LINGO2: variants seen among roughly 807,000 people sequenced by gnomAD.
LINGO2 encodes leucine-rich repeat and immunoglobulin-like domain-containing nogo receptor-interacting protein 2.
LINGO2 carries 14 observed loss-of-function variants against 30.6 expected under a neutral mutation model. That is an observed-to-expected ratio of 0.46 (90% CI 0.30 to 0.72). The LOEUF (loss-of-function observed/expected upper bound fraction) is 0.72. LINGO2 is among the 30% of genes least tolerant of loss of function. The pLI, the probability that LINGO2 is intolerant of heterozygous loss-of-function variation, is 0.07. For synonymous variants in LINGO2, 317 were observed against 288.5 expected (o/e 1.10, Z -1.00); for missense variants, 729 against 751.7 (o/e 0.97, Z 0.35).
At chr9:29,102,688 G>A in the LINGO2 span, among the ~76,000 whole-genome samples, 2 of 152,090 alleles carry the variant, frequency 1.3e-5, no homozygotes, top group South Asian at 2.1e-4. Context: ...AATAGTGACT[G>A]CAACATCACT....
chr9:28,712,187 G>A, the LINGO2 span, among the ~76,000 whole-genome samples: 2 of 152,148 alleles, frequency 1.3e-5, no homozygotes, highest in Non-Finnish European at 2.9e-5. Flanking sequence ...AAATGTACCC[G>A]GTAATTCAGT....
chr9:29,099,506 A>C, the LINGO2 span, among the ~76,000 whole-genome samples: 1 of 152,226 alleles, frequency 6.6e-6, no homozygotes, highest in Non-Finnish European at 1.5e-5. Context: ...TAATAACCAA[A>C]ATATATGAGG....
chr9:28,574,451 G>A (rs1268290832), intron 1 of LINGO2, among the ~76,000 whole-genome samples: 2 of 152,102 alleles, frequency 1.3e-5, no homozygotes, highest in African/African-American at 4.8e-5. Context: ...AGTCTTGCAG[G>A]TTGAGATCTA....
In LINGO2 at chr9:28,033,894, C is replaced by T. The variant is rs182199800; in HGVS notation, c.-86-21489G>A. ...GTCAACAAGGATTTCCCATCCCCCA[C>T]ACCCAAGTCCAGCCCTTTCCAGTGG... is the stretch of plus-strand genomic sequence containing the variant. On this transcript the variant is annotated intron_variant, in intron 4 of 5. Transcript: ENST00000379992. 3.6e-3 allele frequency among the ~76,000 whole-genome samples: 546 copies of T among 152,334 alleles called. 4 individuals are homozygous for T. Among genetic ancestry groups the T allele is most frequent in the Non-Finnish European group, 3.2e-3 (219 of 68,026 alleles).
intron 1 of LINGO2, among the ~76,000 whole-genome samples, chr9:28,614,338 T>C (rs138439802): frequency 2.6e-4 from 39 of 152,270 alleles, no homozygotes; most frequent in African/African-American, 9.4e-4. Flanking sequence ...CAATAGGCTT[T>C]TCATTAGTGA....
chr9:28,529,893 C>A (rs2135425173), intron 1 of LINGO2, among the ~76,000 whole-genome samples: 1 of 152,088 alleles, frequency 6.6e-6, no homozygotes, highest in Non-Finnish European at 1.5e-5. Context: ...AATCCTACTT[C>A]TTTTATCTAA....
intron 3 of LINGO2, among the ~76,000 whole-genome samples, chr9:28,307,642 C>G (rs1824424621): frequency 6.6e-6 from 1 of 152,128 alleles, no homozygotes; most frequent in South Asian, 2.1e-4. Flanking sequence ...GTCAAATTGT[C>G]CCTGTTTGCA....
chr9:28,315,213 C>T (rs927283853), intron 3 of LINGO2, among the ~76,000 whole-genome samples: 1 of 150,946 alleles, frequency 6.6e-6, no homozygotes, highest in African/African-American at 2.4e-5. Context: ...GACGAGCCTG[C>T]CCAAAATGGT....
At chr9:28,457,062 A>G (rs574313044) in intron 2 of LINGO2, among the ~76,000 whole-genome samples, 1 of 152,328 alleles carries the variant, frequency 6.6e-6, no homozygotes, top group African/African-American at 2.4e-5. Context: ...CACTTAAATC[A>G]TAAGTGAACA....
chr9:28,055,461 A>C (rs1049139510), intron 4 of LINGO2, among the ~76,000 whole-genome samples: 2 of 152,148 alleles, frequency 1.3e-5, no homozygotes, highest in African/African-American at 4.8e-5. Flanking sequence ...GTCTGTTTGC[A>C]TAAAATAAGA....
chr9:28,910,133 C>T, the LINGO2 span, among the ~76,000 whole-genome samples: 1 of 151,832 alleles, frequency 6.6e-6, no homozygotes, highest in Non-Finnish European at 1.5e-5. Flanking sequence ...TATTTTAAAC[C>T]CTTTTTTGAG....
At chr9:27,958,452 C>T (rs80312736) in intron 5 of LINGO2, among the ~76,000 whole-genome samples, 5,881 of 152,106 alleles carry the variant, frequency 0.039, 353 homozygotes, top group African/African-American at 0.13. Flanking sequence ...AGTACAGTAG[C>T]CCCTCCGTAT....
chr9:28,343,960 G>A (rs1819463812), intron 3 of LINGO2, among the ~76,000 whole-genome samples: 1 of 152,068 alleles, frequency 6.6e-6, no homozygotes, highest in South Asian at 2.1e-4. Context: ...ATGTCTTAAG[G>A]CAGCCAAAGC....
intron 4 of LINGO2, among the ~76,000 whole-genome samples, chr9:28,110,563 C>A (rs943594956): frequency 1.3e-5 from 2 of 151,384 alleles, no homozygotes; most frequent in South Asian, 4.2e-4. Flanking sequence ...ATAAAACCAT[C>A]GAAAAGTGGG....
the LINGO2 span, among the ~76,000 whole-genome samples, chr9:29,009,650 T>G: frequency 2.0e-5 from 3 of 152,162 alleles, no homozygotes; most frequent in Admixed American, 2.0e-4. Flanking sequence ...AAGCTACCAA[T>G]GACTTTCTTC....
At chr9:28,942,197 G>A in the LINGO2 span, among the ~76,000 whole-genome samples, 1 of 152,104 alleles carries the variant, frequency 6.6e-6, no homozygotes, top group Non-Finnish European at 1.5e-5. Flanking sequence ...AATATCATTT[G>A]GACTCTTTTA....
At chr9:28,645,848 T>C (rs77352675) in intron 1 of LINGO2, among the ~76,000 whole-genome samples, 2 of 152,040 alleles carry the variant, frequency 1.3e-5, no homozygotes, top group Non-Finnish European at 2.9e-5. Context: ...AGTGCCTTAT[T>C]AGGCAACTGT....
At chr9:28,752,155 C>G in the LINGO2 span, among the ~76,000 whole-genome samples, 5 of 151,888 alleles carry the variant, frequency 3.3e-5, no homozygotes, top group Non-Finnish European at 7.4e-5. Flanking sequence ...TATTGAGACT[C>G]GGGTTTGAAC....
At chr9:28,054,713 T>A (rs188274693) in intron 4 of LINGO2, among the ~76,000 whole-genome samples, 1 of 152,208 alleles carries the variant, frequency 6.6e-6, no homozygotes, top group Non-Finnish European at 1.5e-5. Flanking sequence ...TAAATAAGTT[T>A]AAGTTAAAAA....
Sources: allele counts gnomAD v4.1 joint callset (sites outside exome capture counted in the v4.1 genomes callset), GRCh38; gene constraint gnomAD v4.1.1; transcripts MANE v1.5; gene names NCBI Gene and HGNC (gene_info 2026-07-23, HGNC 2026-07-21).